The following EPSTI1 variants were observed in gnomAD, a reference collection of about 807,000 sequenced individuals.
The protein encoded by EPSTI1 is epithelial-stromal interaction protein 1.
In EPSTI1, 66 loss-of-function variants were observed where a neutral mutation model predicts 49.9. That is an observed-to-expected ratio of 1.32 (90% confidence interval 1.08 to 1.62). The LOEUF (loss-of-function observed/expected upper bound fraction) is 1.62. EPSTI1 is among the 40% of genes most tolerant of loss of function. The probability of loss-of-function intolerance (pLI) is 0.00; values close to 1 mark genes in which losing one functional copy is unlikely to be tolerated. For synonymous variants in EPSTI1, 137 were observed against 130.7 expected, an observed-to-expected ratio of 1.05 and a Z score of -0.33; for missense variants, 394 against 365.5, an observed-to-expected ratio of 1.08 and a Z score of -0.64.
At position 42,976,399 on chromosome 13, in the gene EPSTI1, G is replaced by A. The variant is rs78902219; in HGVS notation, c.189-5729C>T. ...ATAACTCTAAGAAATAGGTTAAAGA[G>A]TGGTCTTGGCACATCCAACAAAACG... is the stretch of plus-strand genomic sequence containing the variant. On this transcript the variant is annotated intron_variant, in intron 1 of 10. Transcript: ENST00000313624. 8.5e-3 allele frequency among the ~76,000 whole-genome samples: 1,300 copies of A among 152,340 alleles called. 12 individuals carry two copies. The highest frequency in any genetic ancestry group is 0.034 in the Middle Eastern group (10 of 294).
intron 10 of EPSTI1, 82 bp downstream of exon 10, chr13:42,894,927 A>C: frequency 5.8e-6 from 7 of 1,204,386 alleles, no homozygotes; most frequent in Non-Finnish European, 8.2e-6. Flanking sequence ...TCTGGGGAGA[A>C]GGCCAAAACA....
intron 3 of EPSTI1, 138 bp from the exon 4 acceptor site, chr13:42,964,277 C>T: frequency 1.7e-6 from 1 of 588,514 alleles, no homozygotes; most frequent in African/African-American, 2.0e-5. Context: ...AAGAACATAA[C>T]CAGTTTTCCA....
At chr13:42,962,096 G>C (rs556182079) in intron 5 of EPSTI1, among the ~76,000 whole-genome samples, 1 of 152,166 alleles carries the variant, frequency 6.6e-6, no homozygotes, top group African/African-American at 2.4e-5. Context: ...ATCTACAACA[G>C]GGAAGGCTAG....
At chr13:42,917,813 G>GAAC (rs2037881470) in intron 7 of EPSTI1, among the ~76,000 whole-genome samples, 189 bp from the exon 8 acceptor site, 1 of 152,038 alleles carries the variant, frequency 6.6e-6, no homozygotes, top group Non-Finnish European at 1.5e-5. Flanking sequence ...ACGTCCCTTG[G>GAAC]AACATATAAA....
intron 10 of EPSTI1, 116 bp from the exon 11 acceptor site, chr13:42,888,618 A>AT (rs1219230755): frequency 8.6e-6 from 9 of 1,044,414 alleles, no homozygotes; most frequent in East Asian, 7.4e-5. Flanking sequence ...TGAAATGACC[A>AT]TTTTTTAAAA....
intron 3 of EPSTI1, among the ~76,000 whole-genome samples, 181 bp downstream of exon 3, chr13:42,968,913 A>T (rs59033008): frequency 0.041 from 3,319 of 80,836 alleles, 148 homozygotes; most frequent in African/African-American, 0.14. Context: ...ATCAGAAAAA[A>T]AAAAAAATAC....
chr13:42,959,083 C>G (rs2039364348), intron 5 of EPSTI1, among the ~76,000 whole-genome samples: 1 of 152,102 alleles, frequency 6.6e-6, no homozygotes, highest in Non-Finnish European at 1.5e-5. Context: ...TGAGTGCTTA[C>G]CAAGTGCTAG....
chr13:42,946,834 G>T (rs1192727820), intron 6 of EPSTI1, among the ~76,000 whole-genome samples: 1 of 152,176 alleles, frequency 6.6e-6, no homozygotes, highest in Non-Finnish European at 1.5e-5. Flanking sequence ...ACCCTATTGT[G>T]AACTGCACAT....
At chr13:42,933,668 T>G (rs2038455109) in intron 6 of EPSTI1, among the ~76,000 whole-genome samples, 1 of 152,334 alleles carries the variant, frequency 6.6e-6, no homozygotes, top group South Asian at 2.1e-4. Flanking sequence ...TAATTGGCAG[T>G]TGGTCAAAGC....
chr13:42,899,299 C>T (rs549508696), intron 9 of EPSTI1, among the ~76,000 whole-genome samples: 1 of 152,148 alleles, frequency 6.6e-6, no homozygotes, highest in South Asian at 2.1e-4. Flanking sequence ...GCTTCCCCAC[C>T]ACCATCTTAC....
chr13:42,969,172 C>A lies in EPSTI1; in HGVS notation c.253G>T (p.Glu85Ter), dbSNP rs1255015807. 2 of 1,613,996 alleles carry A rather than the reference C, an allele frequency of 1.2e-6. No individual in the cohort carries two copies. The highest frequency in any genetic ancestry group is 1.7e-6 in the Non-Finnish European group (2 of 1,180,008). ...TTCTCCAGGTTGGCCAGCTCCTGCT[C>A]CGCAACTAAGCCAGGCGAGAAATAT... Reference protein sequence around the residue: ...NRRNEIQRIAEQELANLEKWK... With the variant: ...NRRNEIQRIA The change falls in exon 3 of 11, where the codon GAG becomes TAG. Residue 85 changes from glutamate (E) to a stop codon, truncating the protein, a stop_gained. Transcript: ENST00000313624. LOFTEE classifies it high-confidence loss of function.
intron 1 of EPSTI1, among the ~76,000 whole-genome samples, chr13:42,976,982 T>C (rs897659170): frequency 6.6e-6 from 1 of 152,246 alleles, no homozygotes; most frequent in Non-Finnish European, 1.5e-5. Flanking sequence ...TAATTCTCAA[T>C]GGCTATGTAG....
At chr13:42,959,419 A>G (rs1247556966) in intron 5 of EPSTI1, among the ~76,000 whole-genome samples, 6 of 152,236 alleles carry the variant, frequency 3.9e-5, no homozygotes, top group African/African-American at 7.2e-5. Context: ...CCCAATTTAT[A>G]TAAACAACAT....
chr13:42,922,384 A>AT lies in EPSTI1; in HGVS notation c.657+3951dup, dbSNP rs1193873304. On this transcript the variant is annotated intron_variant, in intron 7 of 10. Transcript: ENST00000313624. The surrounding 1 kb of genome is among the most constrained non-coding windows in gnomAD (Gnocchi z 4.8). The stretch of plus-strand genomic sequence containing the variant: ...TGGGCCCATTGTAATCAAAAGGGTC[A>AT]TTATAAGAGGAAGGCAGAAAGGTCA... Among the ~76,000 whole-genome samples the AT allele has an allele frequency of 6.6e-6, 1 of 152,160 alleles. No homozygotes were observed. Among genetic ancestry groups the AT allele is most frequent in the East Asian group, 1.9e-4 (1 of 5,192 alleles).
intron 6 of EPSTI1, among the ~76,000 whole-genome samples, chr13:42,948,740 G>C (rs2039001925): frequency 6.6e-6 from 1 of 152,166 alleles, no homozygotes; most frequent in South Asian, 2.1e-4. Context: ...GCCTCCCAAA[G>C]TGCTGGGATT....
intron 6 of EPSTI1, among the ~76,000 whole-genome samples, chr13:42,941,878 T>G (rs1287580985): frequency 2.0e-5 from 3 of 152,146 alleles, no homozygotes; most frequent in African/African-American, 7.2e-5. Context: ...TATACAATTA[T>G]GCTTAGCATT....
intron 7 of EPSTI1, among the ~76,000 whole-genome samples, chr13:42,925,116 G>A (rs1369363992): frequency 2.0e-5 from 3 of 152,110 alleles, no homozygotes; most frequent in Non-Finnish European, 4.4e-5. Flanking sequence ...TTTCTGACCT[G>A]CACTCTCTTC....
chr13:42,890,383 C>T (rs868329531), intron 10 of EPSTI1, among the ~76,000 whole-genome samples: 11 of 150,868 alleles, frequency 7.3e-5, no homozygotes, highest in South Asian at 2.1e-4. Flanking sequence ...CCGCAAGCTC[C>T]GCCTCCCAGG....
chr13:42,914,284 G>A (rs1238270744), intron 8 of EPSTI1, among the ~76,000 whole-genome samples: 1 of 152,138 alleles, frequency 6.6e-6, no homozygotes, highest in Non-Finnish European at 1.5e-5. Flanking sequence ...CTGGAACCTT[G>A]TCTATCCTGA....
Sources: allele counts gnomAD v4.1 joint callset (sites outside exome capture counted in the v4.1 genomes callset), GRCh38; gene constraint gnomAD v4.1.1; non-coding constraint Gnocchi (gnomAD v3.1); transcripts MANE v1.5; gene names NCBI Gene and HGNC (gene_info 2026-07-23, HGNC 2026-07-21).